Variants in NPRL3 observed in about 807,000 individuals in gnomAD.
NPRL3 encodes the protein NPR3 like, GATOR1 complex subunit, also known as GATOR1 complex protein NPRL3.
A neutral mutation model predicts 57.2 loss-of-function variants in NPRL3; 23 were observed. The ratio of observed to expected loss-of-function variants is 0.40; its 90% CI spans 0.29 to 0.57. The LOEUF (loss-of-function observed/expected upper bound fraction) is 0.57, where lower values mean the gene tolerates loss of function less well. Ranked by LOEUF, NPRL3 falls within the 20% of genes least tolerant of loss-of-function variation. The probability of loss-of-function intolerance (pLI) is 0.42; values close to 1 mark genes in which losing one functional copy is unlikely to be tolerated. For missense variants in NPRL3, 691 were observed against 767.1 expected (o/e 0.90, Z 1.17); for synonymous variants, 333 against 321.1 (o/e 1.04, Z -0.39).
rs539175375 is a variant in NPRL3 at position 89,906 on chromosome 16, C to T, written c.1162-4G>A. 2.9e-5 allele frequency: 45 copies of T among 1,543,298 alleles called. No individual in the cohort carries two copies. The highest frequency in any genetic ancestry group is 1.2e-4 in the East Asian group (5 of 40,144). ...CCACCATCTGGATGAGCTGGGTCTG[C>T]GGGTGGCAGCAGGTGAGGCTGGTCC... On this transcript the variant is annotated splice_region_variant and splice_polypyrimidine_tract_variant and intron_variant, in intron 11 of 13. Coordinates refer to ENST00000611875, the MANE Select transcript of NPRL3 (RefSeq NM_001077350.3).
chr16:135,227 T>C (rs754863718), intron 2 of NPRL3, among the ~76,000 whole-genome samples: 4 of 152,210 alleles, frequency 2.6e-5, no homozygotes, highest in Non-Finnish European at 5.9e-5. Flanking sequence ...TTGTGGCCTG[T>C]TATAACTCCA....
intron 7 of NPRL3, among the ~76,000 whole-genome samples, chr16:103,295 G>GTTTTTTTTTTTTTT (rs1331235205): frequency 1.9e-4 from 3 of 15,916 alleles, no homozygotes; most frequent in Non-Finnish European, 2.8e-4. Context: ...CGCCTGGGGT[G>GTTTTTTTTTTTTTT]ATTTTTTTTT....
chr16:119,034 G>C, intron 4 of NPRL3, 92 bp downstream of exon 4: 3 of 1,479,696 alleles, frequency 2.0e-6, no homozygotes, highest in Non-Finnish European at 2.7e-6. Flanking sequence ...ACCTGCCCAA[G>C]GAGAGCCACA....
chr16:85,863 G>C lies in NPRL3; in HGVS notation c.*842C>G. On this transcript the variant is annotated 3_prime_UTR_variant, in exon 14 of 14. Transcript: ENST00000611875. ...TCTAGAAAACTGTGCCTTAGCCAGA[G>C]CTCCTCTAGGTGATCAACCCATGTC... The C allele has an allele frequency of 7.4e-7, 1 of 1,347,612 alleles. No homozygotes were observed. Among genetic ancestry groups the C allele is most frequent in the Non-Finnish European group, 9.6e-7 (1 of 1,043,694 alleles). 83.5% of individuals were successfully genotyped at this position (1,347,612 alleles called of 1,614,324 possible). A position where few individuals can be genotyped will look rare whatever the true frequency, so the allele number is the denominator to read the frequency against.
intron 2 of NPRL3, among the ~76,000 whole-genome samples, chr16:131,461 A>G (rs1900789044): frequency 8.5e-6 from 1 of 117,834 alleles, no homozygotes; most frequent in Non-Finnish European, 1.6e-5. Context: ...CCTGGGAGAC[A>G]CGGCAAGACT....
intron 5 of NPRL3, among the ~76,000 whole-genome samples, chr16:113,495 C>T (rs1007095889): frequency 6.6e-6 from 1 of 152,174 alleles, no homozygotes; most frequent in African/African-American, 2.4e-5. Flanking sequence ...GAGGGGCCCT[C>T]GACCCTCTGG....
At chr16:90,001 C>A (rs1898696866) in intron 11 of NPRL3, 99 bp from the exon 12 acceptor site, 3 of 1,143,936 alleles carry the variant, frequency 2.6e-6, no homozygotes, top group Admixed American at 6.1e-5. Flanking sequence ...CAGCACGCTC[C>A]CTGTGCTGAC....
chr16:86,838 AGGT>A lies in NPRL3; in HGVS notation c.1574_1576del (p.His525del). The stretch of plus-strand genomic sequence containing the variant: ...GTTCTCGTTGTACATAATCTCCTCC[AGGT>A]GGTGGCGGCCGCGGAAGTAGTGAAG... On this transcript the variant is annotated inframe_deletion, in exon 14 of 14. Coordinates refer to ENST00000611875, the MANE Select transcript of NPRL3 (RefSeq NM_001077350.3). 1 of 1,613,486 alleles carries A rather than the reference AGGT, an allele frequency of 6.2e-7. No individual in the cohort carries two copies. The highest frequency in any genetic ancestry group is 8.5e-7 in the Non-Finnish European group (1 of 1,179,760).
intron 3 of NPRL3, chr16:126,181 C>G (rs1900505637): frequency 6.6e-6 from 1 of 151,754 alleles, no homozygotes; most frequent in South Asian, 2.1e-4. Flanking sequence ...GTTCAATCAC[C>G]TGAGGTCAGG....
At chr16:110,980 CT>C (rs1342503461) in intron 6 of NPRL3, among the ~76,000 whole-genome samples, 1 of 152,012 alleles carries the variant, frequency 6.6e-6, no homozygotes, top group East Asian at 1.9e-4. Context: ...AATAAAATTT[CT>C]TTTTACTTCC....
At chr16:98,021 T>A in intron 9 of NPRL3, 124 bp downstream of exon 9, 1 of 1,201,458 alleles carries the variant, frequency 8.3e-7, no homozygotes, top group Non-Finnish European at 1.2e-6. Context: ...CCCCACCCCA[T>A]GGTGGGCTGT....
chr16:119,337 G>A (rs780633280), intron 3 of NPRL3, 82 bp from the exon 4 acceptor site: 26 of 1,410,478 alleles, frequency 1.8e-5, no homozygotes, highest in African/African-American at 2.8e-5. Flanking sequence ...GAGCGGAAGG[G>A]TCTCAGTAAA....
intron 3 of NPRL3, among the ~76,000 whole-genome samples, chr16:125,346 T>C (rs1003302131): frequency 6.6e-6 from 1 of 152,212 alleles, no homozygotes; most frequent in African/African-American, 2.4e-5. Context: ...GAAGCCTGAC[T>C]GTAAGCTCTG....
intron 2 of NPRL3, among the ~76,000 whole-genome samples, chr16:136,595 G>A (rs1350164920): frequency 6.6e-6 from 1 of 151,900 alleles, no homozygotes; most frequent in Non-Finnish European, 1.5e-5. Context: ...GGGAGGCTGA[G>A]GCAGGAGAAT....
At chr16:97,666 T>G (rs1237929330) in intron 9 of NPRL3, among the ~76,000 whole-genome samples, 1 of 151,924 alleles carries the variant, frequency 6.6e-6, no homozygotes, top group Non-Finnish European at 1.5e-5. Context: ...TTGTACAGAG[T>G]GCACAGGCCA....
intron 12 of NPRL3, 49 bp from the exon 13 acceptor site, chr16:88,939 AG>A: frequency 6.4e-7 from 1 of 1,562,746 alleles, no homozygotes; most frequent in South Asian, 1.1e-5. Context: ...CAGGACACCC[AG>A]GGGAACAGCG....
rs774447369 is a variant in NPRL3 at position 98,206 on chromosome 16, G to A, written c.863C>T (p.Thr288Ile). The change falls in exon 9 of 14, where the codon ACC (threonine) becomes ATC (isoleucine). Residue 288 changes from threonine (T) to isoleucine (I), a missense_variant. Thr to Ile is a moderately conservative substitution (Grantham distance 89). Coordinates refer to ENST00000611875, the MANE Select transcript of NPRL3 (RefSeq NM_001077350.3). The stretch of plus-strand genomic sequence containing the variant: ...CTGCAGGTTCTTCACAGCAGATGTG[G>A]TCTTGATCACCCGCACTAGGGCAGG... ...CSPALVRVIK[T>I]TSAVKNLQQL... is the part of the protein sequence containing the mutation. The A allele has an allele frequency of 2.2e-5, 36 of 1,613,988 alleles. No homozygotes were observed. The South Asian group carries it at 4.0e-4, about 18-fold the overall frequency.
In NPRL3 at chr16:85,930, G is replaced by A. The variant is rs1898447350; in HGVS notation, c.*775C>T. 3.2e-6 allele frequency: 3 copies of A among 928,188 alleles called. No homozygotes were observed. The highest frequency in any genetic ancestry group is 6.7e-5 in the South Asian group (2 of 29,658). 57.5% of individuals were successfully genotyped at this position (928,188 alleles called of 1,614,324 possible). A position where few individuals can be genotyped will look rare whatever the true frequency, so the allele number is the denominator to read the frequency against. On this transcript the variant is annotated 3_prime_UTR_variant, in exon 14 of 14. Coordinates refer to ENST00000611875, the MANE Select transcript of NPRL3 (RefSeq NM_001077350.3). ...TCCAGGACACGAGAGCTGGGGGCCT[G>A]AGTACGTAGCGCCAGGCCCGGTGTG...
chr16:120,711 G>T (rs1383230395), intron 3 of NPRL3, among the ~76,000 whole-genome samples: 1 of 152,164 alleles, frequency 6.6e-6, no homozygotes, highest in Non-Finnish European at 1.5e-5. Flanking sequence ...GAGTTATCCT[G>T]GGAAACGCAG....
Sources: allele counts gnomAD v4.1 joint callset (sites outside exome capture counted in the v4.1 genomes callset), GRCh38; gene constraint gnomAD v4.1.1; transcripts MANE v1.5; gene names NCBI Gene and HGNC (gene_info 2026-07-23, HGNC 2026-07-21).